Variants in CMIP observed in about 807,000 individuals in gnomAD.
CMIP encodes the protein c-Maf inducing protein, also known as C-Maf-inducing protein.
In CMIP, 13 loss-of-function variants were observed where a neutral mutation model predicts 97.3. The ratio of observed to expected loss-of-function variants is 0.13; its 90% CI spans 0.09 to 0.21. The LOEUF is 0.21. Among genes scored for constraint, CMIP ranks in the 10% least tolerant of loss-of-function variants. The pLI is 1.00. For synonymous variants in CMIP, 538 were observed against 436.3 expected (o/e 1.23, Z -2.91); for missense variants, 847 against 1,024.9 (o/e 0.83, Z 2.37).
chr16:81,469,541 C>G (rs770227134), intron 1 of CMIP, among the ~76,000 whole-genome samples: 10 of 152,044 alleles, frequency 6.6e-5, no homozygotes, highest in Non-Finnish European at 1.2e-4. Context: ...CTACTGTTAC[C>G]AAGATTACAG....
chr16:81,670,362 G>C (rs550807223), intron 8 of CMIP, 117 bp downstream of exon 8: 2 of 1,099,120 alleles, frequency 1.8e-6, no homozygotes, highest in South Asian at 3.0e-5. Context: ...CCCTCTATGA[G>C]GAAGCCCCTA....
At chr16:81,608,233 C>A (rs2091775794) in intron 2 of CMIP, among the ~76,000 whole-genome samples, 1 of 152,082 alleles carries the variant, frequency 6.6e-6, no homozygotes, top group Non-Finnish European at 1.5e-5. Flanking sequence ...ACTAGTGAGA[C>A]AAAAAGAGAG....
chr16:81,537,289 C>G (rs1430335999), intron 1 of CMIP, among the ~76,000 whole-genome samples: 2 of 152,078 alleles, frequency 1.3e-5, no homozygotes, highest in African/African-American at 4.8e-5. Flanking sequence ...AATGCCGGCA[C>G]TTTGGGAGGC....
chr16:81,461,409 T>C lies in CMIP; in HGVS notation c.300+15868T>C, dbSNP rs1906889167. ...TCTGGGATGGCAAATAAGTGACACA[T>C]GTGCTGCCACTCCTCATTGCCTTGA... On this transcript the variant is annotated intron_variant, in intron 1 of 20. Transcript: ENST00000537098. Among the ~76,000 whole-genome samples the C allele has an allele frequency of 2.6e-5, 4 of 152,194 alleles. No individual in the cohort carries two copies. In the South Asian group the frequency reaches 8.3e-4, roughly 31 times the overall value.
At chr16:81,703,363 C>G (rs991135512) in intron 17 of CMIP, among the ~76,000 whole-genome samples, 3 of 152,082 alleles carry the variant, frequency 2.0e-5, no homozygotes, top group Non-Finnish European at 4.4e-5. Context: ...CAGTCCGGTG[C>G]TCAGGCATGC....
intron 1 of CMIP, among the ~76,000 whole-genome samples, chr16:81,592,770 G>T (rs1213080011): frequency 6.6e-6 from 1 of 152,196 alleles, no homozygotes; most frequent in African/African-American, 2.4e-5. Flanking sequence ...CCTTTCCCAG[G>T]ATCCTTGGGA....
At position 81,445,366 on chromosome 16, in the gene CMIP, G is replaced by T; in HGVS notation, c.125G>T (p.Arg42Leu). 1 of 1,604,016 alleles carries T rather than the reference G, an allele frequency of 6.2e-7. No homozygotes were observed. ...AAGATGGGCGCCGTGCCCTGCCGCC[G>T]GGCTCTTCTGCTTTGCAACGGGATG... Reference protein sequence around the residue: ...GTKMGAVPCRRALLLCNGMRY... With the variant: ...GTKMGAVPCRLALLLCNGMRY... The change falls in exon 1 of 21, where the codon CGG becomes CTG. Residue 42 changes from arginine to leucine, a missense_variant. By Grantham distance (102) the Arg-to-Leu change is moderately radical (BLOSUM62 -2). Coordinates refer to ENST00000537098, the MANE Select transcript of CMIP (RefSeq NM_198390.3).
At chr16:81,466,761 G>A (rs1907230762) in intron 1 of CMIP, among the ~76,000 whole-genome samples, 1 of 152,180 alleles carries the variant, frequency 6.6e-6, no homozygotes, top group Non-Finnish European at 1.5e-5. Context: ...CGTTTCCCTG[G>A]GAGACTTGGG....
chr16:81,472,973 G>A (rs186754694), intron 1 of CMIP, among the ~76,000 whole-genome samples: 4 of 152,204 alleles, frequency 2.6e-5, no homozygotes, highest in East Asian at 3.8e-4. Context: ...CTGAAGGTGC[G>A]AGGAGAGCCT....
intron 1 of CMIP, chr16:81,603,495 G>A (rs199733408): frequency 2.2e-5 from 10 of 454,254 alleles, no homozygotes; most frequent in Non-Finnish European, 4.0e-5. Context: ...CCAGCTGCTA[G>A]TATCTTAGTC....
chr16:81,657,777 C>T lies in CMIP; in HGVS notation c.642C>T (p.Asn214=). The T allele has an allele frequency of 6.2e-7, 1 of 1,606,780 alleles. No individual in the cohort carries two copies. Among genetic ancestry groups the T allele is most frequent in the Non-Finnish European group, 8.5e-7 (1 of 1,176,714 alleles). ...GCTGTCTCCATTCAATCCTTTAGAA[C>T]ACAAACTTGACCACCCAGGAGCATG... ...LEIVSKLLSE[N]TNLTTQEHEN... Residue 214 remains asparagine (N), a splice_region_variant and synonymous_variant, in exon 5 of 21, where the codon AAC becomes AAT. Coordinates refer to ENST00000537098, the MANE Select transcript of CMIP (RefSeq NM_198390.3).
intron 1 of CMIP, among the ~76,000 whole-genome samples, chr16:81,479,665 C>G (rs955664524): frequency 6.6e-6 from 1 of 152,100 alleles, no homozygotes; most frequent in Non-Finnish European, 1.5e-5. Flanking sequence ...GTGAGATTTA[C>G]ATAACATAAA....
intron 1 of CMIP, among the ~76,000 whole-genome samples, chr16:81,600,961 C>A (rs1045667664): frequency 1.3e-5 from 2 of 152,162 alleles, no homozygotes; most frequent in Admixed American, 1.3e-4. Flanking sequence ...GCAGGTCCAG[C>A]AAATCCTTCC....
At chr16:81,675,537 C>T (rs1024949750) in intron 9 of CMIP, among the ~76,000 whole-genome samples, 3 of 152,034 alleles carry the variant, frequency 2.0e-5, no homozygotes, top group East Asian at 1.9e-4. Context: ...TTTGTATCTA[C>T]GGGTCCTTGA....
chr16:81,581,706 C>G (rs557105364), intron 1 of CMIP, among the ~76,000 whole-genome samples: 35 of 152,260 alleles, frequency 2.3e-4, no homozygotes, highest in African/African-American at 8.2e-4. Context: ...CACCATAACA[C>G]CCTGAGGTTG....
intron 2 of CMIP, chr16:81,610,497 G>A (rs778866009): frequency 1.3e-5 from 13 of 985,538 alleles, no homozygotes; most frequent in Non-Finnish European, 1.6e-5. Flanking sequence ...TAATGAGGGA[G>A]CAGCAGACAC....
intron 1 of CMIP, among the ~76,000 whole-genome samples, chr16:81,467,724 G>A (rs762891175): frequency 6.6e-6 from 1 of 151,566 alleles, no homozygotes; most frequent in Non-Finnish European, 1.5e-5. Context: ...GGGATTACAG[G>A]CATGTGCCAC....
chr16:81,661,109 G>A (rs998223707), intron 6 of CMIP, among the ~76,000 whole-genome samples, 163 bp downstream of exon 6: 1 of 152,224 alleles, frequency 6.6e-6, no homozygotes, highest in Non-Finnish European at 1.5e-5. Context: ...CCCATTCTTA[G>A]GGCTACACCC....
intron 1 of CMIP, among the ~76,000 whole-genome samples, chr16:81,468,836 G>T (rs1465193716): frequency 6.6e-6 from 1 of 152,228 alleles, no homozygotes; most frequent in Non-Finnish European, 1.5e-5. Context: ...AGTCCGAGGG[G>T]CCTGGTGAGG....
Sources: gnomAD v4.1 joint callset for allele counts (sites outside exome capture counted in the v4.1 genomes callset) on GRCh38, gnomAD v4.1.1 for gene constraint, MANE v1.5 for transcripts, NCBI Gene and HGNC (gene_info 2026-07-23, HGNC 2026-07-21) for gene names.